The following MAGI2 variants were observed in gnomAD, a reference collection of about 807,000 sequenced individuals.
MAGI2 encodes the protein membrane-associated guanylate kinase, WW and PDZ domain-containing protein 2.
A neutral mutation model predicts 133.3 loss-of-function variants in MAGI2; 35 were observed. That is an observed-to-expected ratio of 0.26 (90% confidence interval 0.20 to 0.35). The LOEUF is 0.35. MAGI2 is among the 10% of genes least tolerant of loss of function. The pLI is 1.00. For missense variants in MAGI2, 1,636 were observed against 1,863.4 expected (o/e 0.88, Z 2.25); for synonymous variants, 729 against 710.6 (o/e 1.03, Z -0.41).
chr7:78,463,997 T>C (rs1230326139), intron 6 of MAGI2, among the ~76,000 whole-genome samples: 2 of 152,136 alleles, frequency 1.3e-5, no homozygotes, highest in Non-Finnish European at 2.9e-5. Flanking sequence ...CATTTATATG[T>C]AAAATGGGAA....
At chr7:78,995,908 C>G in intron 2 of MAGI2, among the ~76,000 whole-genome samples, 1 of 152,120 alleles carries the variant, frequency 6.6e-6, no homozygotes, top group East Asian at 1.9e-4. Context: ...GTTAAAAGAC[C>G]TCAGAGCCTC....
intron 2 of MAGI2, among the ~76,000 whole-genome samples, chr7:78,634,054 A>G (rs1008505389): frequency 8.5e-5 from 13 of 152,214 alleles, no homozygotes; most frequent in African/African-American, 3.1e-4. Flanking sequence ...TAAATCACTT[A>G]ACTTCACTCA....
rs569351188 is a variant in MAGI2 at position 78,068,586 on chromosome 7, A to T, written c.3706+10361T>A. On this transcript the variant is annotated intron_variant, in intron 21 of 21. Coordinates refer to ENST00000354212, the MANE Select transcript of MAGI2 (RefSeq NM_012301.4). ...TTTCTCTCAAATTTGCTGTGAACCT[A>T]AAACTGCTCTAAAAAATCAAGTCTT... Among the ~76,000 whole-genome samples, 6 of 152,270 alleles carry T rather than the reference A, an allele frequency of 3.9e-5. No individual in the cohort carries two copies. In the South Asian group the frequency reaches 1.2e-3, roughly 32 times the overall value.
chr7:78,456,993 C>A (rs1202510775), intron 6 of MAGI2: 1 of 152,154 alleles, frequency 6.6e-6, no homozygotes, highest in Admixed American at 6.5e-5. Flanking sequence ...ATCTGCAAGT[C>A]GGTGCAAAAG....
At chr7:78,633,886 A>G (rs1809338609) in intron 2 of MAGI2, among the ~76,000 whole-genome samples, 1 of 152,184 alleles carries the variant, frequency 6.6e-6, no homozygotes, top group Admixed American at 6.5e-5. Flanking sequence ...GGTAAATAAT[A>G]GACATAAAAG....
At chr7:79,321,296 G>A (rs1839161718) in intron 1 of MAGI2, among the ~76,000 whole-genome samples, 1 of 152,038 alleles carries the variant, frequency 6.6e-6, no homozygotes, top group African/African-American at 2.4e-5. Flanking sequence ...GTTTTTCAAA[G>A]AAAATTACAA....
At chr7:78,667,551 C>A (rs1390910402) in intron 2 of MAGI2, among the ~76,000 whole-genome samples, 1 of 148,264 alleles carries the variant, frequency 6.7e-6, no homozygotes, top group Non-Finnish European at 1.5e-5. Context: ...TCCCCCCACC[C>A]CACAACAGTC....
intron 1 of MAGI2, among the ~76,000 whole-genome samples, chr7:79,223,039 C>T (rs1247575008): frequency 6.6e-6 from 1 of 151,942 alleles, no homozygotes; most frequent in Non-Finnish European, 1.5e-5. Flanking sequence ...CACCCGCTAC[C>T]GCTCCTGGCT....
In MAGI2 at chr7:78,195,010, C is replaced by T. The variant is rs765541438; in HGVS notation, c.2133G>A (p.Pro711=). ...QGSPQTSLSA[P]AIPQNLPFPP... is the part of the protein sequence containing the mutation. ...GGAAGGGCAGGTTCTGCGGTATGGCCGGAGCAGATAAACTCGTTTGAGGAC... is the reference window on the plus strand; with the variant it reads ...GGAAGGGCAGGTTCTGCGGTATGGCTGGAGCAGATAAACTCGTTTGAGGAC... The change falls in exon 12 of 22, where the codon CCG becomes CCA. Residue 711 remains proline, a synonymous_variant. Coordinates refer to ENST00000354212, the MANE Select transcript of MAGI2 (RefSeq NM_012301.4). 109 of 1,613,694 alleles carry T rather than the reference C, an allele frequency of 6.8e-5. No homozygotes were observed. Among genetic ancestry groups the T allele is most frequent in the Middle Eastern group, 1.6e-4 (1 of 6,080 alleles).
At chr7:78,076,709 G>A (rs1382756662) in intron 21 of MAGI2, among the ~76,000 whole-genome samples, 1 of 149,680 alleles carries the variant, frequency 6.7e-6, no homozygotes, top group Non-Finnish European at 1.5e-5. Flanking sequence ...AGCCGGGCGC[G>A]GTGGCGGGCG....
chr7:78,304,170 T>A (rs1185590424), intron 9 of MAGI2, among the ~76,000 whole-genome samples: 1 of 152,200 alleles, frequency 6.6e-6, no homozygotes. Context: ...CTAAAGTACT[T>A]GGACTATTGC....
intron 3 of MAGI2, among the ~76,000 whole-genome samples, chr7:78,550,960 T>A (rs1371160772): frequency 1.3e-5 from 2 of 152,156 alleles, no homozygotes; most frequent in Non-Finnish European, 2.9e-5. Context: ...ATTATATGGA[T>A]CCTTGTAAGC....
Position 78,904,808 on chromosome 7 carries a change from G to A in MAGI2, c.418+102282C>T, listed in dbSNP as rs113327836. ...GTGAGCCACCCCTCCCCTGGCCCCC[G>A]GGCAATAAAGCAATTCTCAATGTTC... On this transcript the variant is annotated intron_variant, in intron 2 of 21. Transcript: ENST00000354212. Among the ~76,000 whole-genome samples, 1,376 of 151,982 alleles carry A rather than the reference G, an allele frequency of 9.1e-3. 21 individuals carry two copies. The highest frequency in any genetic ancestry group is 0.03 in the African/African-American group (1,243 of 41,502).
rs541885461 is a variant in MAGI2, at chr7:79,024,281, T to G, written c.302-17075A>C. On this transcript the variant is annotated intron_variant, in intron 1 of 21. Coordinates refer to ENST00000354212, the MANE Select transcript of MAGI2 (RefSeq NM_012301.4). ...GTGCTGGGTTAACCGACTTGCCATA[T>G]GAAGAAGATTGATACCGGACCCCTT... Among the ~76,000 whole-genome samples the G allele has an allele frequency of 9.2e-5, 14 of 152,230 alleles. No individual in the cohort carries two copies. In the East Asian group the frequency reaches 2.5e-3, roughly 27 times the overall value.
At chr7:78,575,827 C>T (rs892957502) in intron 3 of MAGI2, among the ~76,000 whole-genome samples, 7 of 152,016 alleles carry the variant, frequency 4.6e-5, no homozygotes, top group African/African-American at 1.7e-4. Context: ...ATCTAAGGGA[C>T]ATAATAATTA....
chr7:79,369,294 C>G (rs147418012), intron 1 of MAGI2, among the ~76,000 whole-genome samples: 1 of 152,190 alleles, frequency 6.6e-6, no homozygotes, highest in Non-Finnish European at 1.5e-5. Flanking sequence ...TCTATCTTTA[C>G]TCCATTTCTA....
At chr7:78,111,847 G>C (rs1424090561) in intron 20 of MAGI2, among the ~76,000 whole-genome samples, 2 of 152,240 alleles carry the variant, frequency 1.3e-5, no homozygotes, top group East Asian at 3.8e-4. Context: ...GGCTTGTAAA[G>C]AGGCACGCTG....
chr7:78,802,648 A>G (rs1788172030), intron 2 of MAGI2, among the ~76,000 whole-genome samples: 1 of 152,166 alleles, frequency 6.6e-6, no homozygotes, highest in African/African-American at 2.4e-5. Context: ...TAAAATATGA[A>G]TTTACCTGAC....
intron 1 of MAGI2, among the ~76,000 whole-genome samples, chr7:79,291,701 T>C (rs1408396080): frequency 6.6e-6 from 1 of 152,236 alleles, no homozygotes; most frequent in Non-Finnish European, 1.5e-5. Flanking sequence ...TCATTGGATC[T>C]GTATGCTGTC....
Sources: gnomAD v4.1 joint callset for allele counts (sites outside exome capture counted in the v4.1 genomes callset) on GRCh38, gnomAD v4.1.1 for gene constraint, MANE v1.5 for transcripts, NCBI Gene and HGNC (gene_info 2026-07-23, HGNC 2026-07-21) for gene names.